Variants in NTN4 observed in about 807,000 individuals in gnomAD.
The protein encoded by NTN4 is netrin 4.
Under a neutral mutation model 73.6 loss-of-function variants are expected in NTN4, and 32 were observed. The ratio of observed to expected loss-of-function variants is 0.44; its 90% CI spans 0.33 to 0.58. The LOEUF (loss-of-function observed/expected upper bound fraction) is 0.58, where lower values mean the gene tolerates loss of function less well. Among genes scored for constraint, NTN4 ranks in the 20% least tolerant of loss-of-function variants. The pLI is 0.04. For synonymous variants in NTN4, 258 were observed against 287.5 expected, an observed-to-expected ratio of 0.90 and a Z score of 1.04; for missense variants, 654 against 798.3, an observed-to-expected ratio of 0.82 and a Z score of 2.18.
At chr12:95,751,072 C>T (rs2078903472) in intron 2 of NTN4, among the ~76,000 whole-genome samples, 1 of 152,190 alleles carries the variant, frequency 6.6e-6, no homozygotes, top group Non-Finnish European at 1.5e-5. Context: ...CGCTTTACAG[C>T]CCTGGACCCT....
At chr12:95,776,812 A>G (rs2079096376) in intron 2 of NTN4, among the ~76,000 whole-genome samples, 1 of 152,152 alleles carries the variant, frequency 6.6e-6, no homozygotes, top group African/African-American at 2.4e-5. Context: ...TACAGAGAAC[A>G]CCAAAAAGAT....
At chr12:95,736,002 G>A (rs1325299780) in intron 3 of NTN4, among the ~76,000 whole-genome samples, 4 of 151,076 alleles carry the variant, frequency 2.6e-5, no homozygotes, top group East Asian at 3.9e-4. Context: ...GCAGTGGCAC[G>A]ATCTCGGCTC....
intron 2 of NTN4, among the ~76,000 whole-genome samples, chr12:95,774,798 A>G (rs1326320489): frequency 1.3e-5 from 2 of 152,226 alleles, no homozygotes; most frequent in African/African-American, 4.8e-5. Flanking sequence ...AGCATGCACT[A>G]TCTCATATAA....
chr12:95,664,821 C>G (rs1210301524), intron 9 of NTN4, among the ~76,000 whole-genome samples: 1 of 151,898 alleles, frequency 6.6e-6, no homozygotes, highest in Non-Finnish European at 1.5e-5. Context: ...CTGTGTTGGC[C>G]AGGTTGGGCA....
intron 5 of NTN4, among the ~76,000 whole-genome samples, chr12:95,707,922 TC>T (rs1260200374): frequency 1.3e-5 from 2 of 152,202 alleles, no homozygotes; most frequent in Non-Finnish European, 2.9e-5. Context: ...GTTCAGACAT[TC>T]TCATTTTTAG....
intron 5 of NTN4, 62 bp from the exon 6 acceptor site, chr12:95,683,773 G>C (rs1380692803): frequency 1.5e-6 from 2 of 1,355,096 alleles, no homozygotes; most frequent in Admixed American, 4.0e-5. Flanking sequence ...GTGAACATTA[G>C]GCTTGACCAT....
At chr12:95,713,090 T>A in intron 4 of NTN4, 122 bp downstream of exon 4, 1 of 1,176,686 alleles carries the variant, frequency 8.5e-7, no homozygotes, top group Non-Finnish European at 1.2e-6. Context: ...ATGGCTATGT[T>A]TGTGTAGGGT....
chr12:95,766,816 C>T (rs571900567), intron 2 of NTN4, among the ~76,000 whole-genome samples: 1 of 152,292 alleles, frequency 6.6e-6, no homozygotes, highest in East Asian at 1.9e-4. Context: ...ATTGCATTCG[C>T]TTTTTTGGCA....
rs568581373 is a variant in NTN4 at position 95,775,549 on chromosome 12, C to T, written c.585+11390G>A. ...AGGAGATTATATCCCGTGCATGGCTCAGAGGGTCCCACGCCCACAGAGCCT... is the reference window on the plus strand; with the variant it reads ...AGGAGATTATATCCCGTGCATGGCTTAGAGGGTCCCACGCCCACAGAGCCT... On this transcript the variant is annotated intron_variant, in intron 2 of 9. Transcript: ENST00000343702. Among the ~76,000 whole-genome samples the T allele has an allele frequency of 2.6e-5, 4 of 152,354 alleles. No individual in the cohort carries two copies. The South Asian group carries it at 8.3e-4, about 32-fold the overall frequency.
upstream of NTN4, among the ~76,000 whole-genome samples, chr12:95,790,928 CG>C (rs369924618): frequency 8.8e-4 from 103 of 117,068 alleles, no homozygotes; most frequent in Admixed American, 2.3e-3. The surrounding 1 kb of genome is among the most constrained non-coding windows in gnomAD (Gnocchi z 6.5). Flanking sequence ...CGCTGCCGCC[CG>C]GGGGGGGGGT....
chr12:95,700,279 A>T (rs886226826), intron 5 of NTN4, among the ~76,000 whole-genome samples: 1 of 151,246 alleles, frequency 6.6e-6, no homozygotes, highest in African/African-American at 2.4e-5. Context: ...ATTTTTTTTT[A>T]AAGAGAGCTT....
At chr12:95,692,000 A>G (rs1404968429) in intron 5 of NTN4, among the ~76,000 whole-genome samples, 8 of 152,164 alleles carry the variant, frequency 5.3e-5, no homozygotes, top group Admixed American at 4.6e-4. Flanking sequence ...TATTTTCACA[A>G]GAGTTCATCA....
At chr12:95,692,800 T>C (rs1235443349) in intron 5 of NTN4, among the ~76,000 whole-genome samples, 1 of 152,224 alleles carries the variant, frequency 6.6e-6, no homozygotes, top group Non-Finnish European at 1.5e-5. Context: ...AGCACAAGCT[T>C]GGGAATCAGA....
chr12:95,780,643 AG>A (rs200325398), intron 2 of NTN4, among the ~76,000 whole-genome samples: 10,259 of 152,258 alleles, frequency 0.067, 1,080 homozygotes, highest in African/African-American at 0.22. Context: ...TTAAAAAGCC[AG>A]GAAACAACAG....
chr12:95,741,438 TATATATATATATATATATA>T lies in NTN4; in HGVS notation c.586-3313_586-3295del, dbSNP rs2078824270. On this transcript the variant is annotated intron_variant, in intron 2 of 9. Transcript: ENST00000343702. ...AAATTATGTATAAATTATATATATA[TATATATATATATATATATA>T]TATATATATATATATATCTCCTCCA... Among the ~76,000 whole-genome samples the T allele has an allele frequency of 3.7e-4, 37 of 101,052 alleles. 2 individuals carry two copies. Among genetic ancestry groups the T allele is most frequent in the South Asian group, 1.7e-3 (5 of 2,922 alleles). 66.3% of individuals were successfully genotyped at this position (101,052 alleles called of 152,430 possible). A position where few individuals can be genotyped will look rare whatever the true frequency, so the allele number is the denominator to read the frequency against.
chr12:95,714,132 C>A (rs1437827921), intron 3 of NTN4, among the ~76,000 whole-genome samples: 1 of 151,950 alleles, frequency 6.6e-6, no homozygotes, highest in Non-Finnish European at 1.5e-5. Context: ...GTATTTCTCC[C>A]AGAGAGAAAT....
In NTN4 at chr12:95,665,965, A is replaced by G. The variant is rs752284089; in HGVS notation, c.1595T>C (p.Ile532Thr). The G allele has an allele frequency of 6.2e-7, 1 of 1,609,444 alleles. No homozygotes were observed. The highest frequency in any genetic ancestry group is 1.1e-5 in the South Asian group (1 of 90,234). ...AGTACCTTTATCATGAGCTGATAAA[A>G]TCTTTATTTTTAGCACTGTTAACAC... Reference protein sequence around the residue: ...MKYSYVLKIKILSAHDKGTHV... With the variant: ...MKYSYVLKIKTLSAHDKGTHV... The change falls in exon 9 of 10, where the codon ATT (isoleucine) becomes ACT (threonine). Residue 532 changes from isoleucine (I) to threonine (T), a missense_variant. Transcript: ENST00000343702.
rs2079061466 is a variant in NTN4 at position 95,771,915 on chromosome 12, A to T, written c.585+15024T>A. Among the ~76,000 whole-genome samples the T allele has an allele frequency of 2.0e-5, 3 of 152,010 alleles. No individual in the cohort carries two copies. The South Asian group carries it at 6.2e-4, about 32-fold the overall frequency. On this transcript the variant is annotated intron_variant, in intron 2 of 9. Transcript: ENST00000343702. ...TGAAAATGTGAAATTGCCATTCCCA[A>T]CTTCTCTCTCACCTGTGATTTTAGA...
intron 5 of NTN4, among the ~76,000 whole-genome samples, chr12:95,690,503 T>G (rs1344811067): frequency 2.0e-5 from 3 of 152,238 alleles, no homozygotes; most frequent in African/African-American, 7.2e-5. Context: ...ACATTAAATT[T>G]CCTAATTTTT....
Sources: allele counts gnomAD v4.1 joint callset (sites outside exome capture counted in the v4.1 genomes callset), GRCh38; gene constraint gnomAD v4.1.1; non-coding constraint Gnocchi (gnomAD v3.1); transcripts MANE v1.5; gene names NCBI Gene and HGNC (gene_info 2026-07-23, HGNC 2026-07-21).